METTL9: variants seen among roughly 807,000 people sequenced by gnomAD.
The protein encoded by METTL9 is methyltransferase 9, His-X-His N1(pi)-histidine, also known as protein-L-histidine N-pros-methyltransferase.
METTL9 carries 10 observed loss-of-function variants against 36.0 expected under a neutral mutation model. That is an observed-to-expected ratio of 0.28 (90% CI 0.17 to 0.47). The LOEUF is 0.47. Among genes scored for constraint, METTL9 ranks in the 20% least tolerant of loss-of-function variants. METTL9 has a pLI of 0.99. For missense variants in METTL9, 246 were observed against 383.5 expected (o/e 0.64, Z 3.00); for synonymous variants, 175 against 149.7 (o/e 1.17, Z -1.23).
intron 1 of METTL9, among the ~76,000 whole-genome samples, chr16:21,602,450 TG>T (rs1054145416): frequency 6.6e-6 from 1 of 152,180 alleles, no homozygotes; most frequent in Non-Finnish European, 1.5e-5. Flanking sequence ...ACTGGGATTA[TG>T]TTTCACTTTG....
chr16:21,653,254 AT>A (rs952621827), intron 4 of METTL9: 416 of 141,942 alleles, frequency 2.9e-3, no homozygotes, highest in Middle Eastern at 3.7e-3. Context: ...CCCCTGGCTA[AT>A]TTTTTTTTTT....
chr16:21,623,303 C>G (rs549398305), intron 3 of METTL9, among the ~76,000 whole-genome samples: 5 of 152,300 alleles, frequency 3.3e-5, no homozygotes, highest in Admixed American at 1.3e-4. Context: ...GAAAATGCAG[C>G]TAAGTGCTTT....
At chr16:21,653,254 A>AT (rs952621827) in intron 4 of METTL9, 1,931 of 142,140 alleles carry the variant, frequency 0.014, 34 homozygotes, top group African/African-American at 0.038. Flanking sequence ...CCCCTGGCTA[A>AT]TTTTTTTTTT....
rs761472396 is a variant in METTL9 at position 21,612,764 on chromosome 16, A to G, written c.285A>G (p.Leu95=). 2 of 1,613,114 alleles carry G rather than the reference A, an allele frequency of 1.2e-6. No individual in the cohort carries two copies. Among genetic ancestry groups the G allele is most frequent in the South Asian group, 1.1e-5 (1 of 90,964 alleles). ...LNNSIEKSGW[L]FIQLYHSFVS... ...ACAGCATTGAGAAATCGGGCTGGCTATTTATCCAATTATATCATTCTTTTG... is the reference window on the plus strand; with the variant it reads ...ACAGCATTGAGAAATCGGGCTGGCTGTTTATCCAATTATATCATTCTTTTG... The change falls in exon 2 of 5, where the codon CTA becomes CTG. Residue 95 remains leucine (L), a synonymous_variant. Coordinates refer to ENST00000358154, the MANE Select transcript of METTL9 (RefSeq NM_016025.5).
Position 21,647,145 on chromosome 16 carries a change from G to A in METTL9, c.752-8082G>A. The stretch of plus-strand genomic sequence containing the variant: ...CTCGCTGACTGACCTCTTACCACCA[G>A]TGTGGTCCCTCCTCCTGTCTGTTTA... On this transcript the variant is annotated intron_variant, in intron 4 of 4. Coordinates refer to ENST00000358154, the MANE Select transcript of METTL9 (RefSeq NM_016025.5). 2.5e-6 allele frequency: 4 copies of A among 1,614,142 alleles called. No individual in the cohort carries two copies. The African/African-American group carries it at 5.3e-5, about 22-fold the overall frequency.
At chr16:21,609,511 G>A (rs1965375998) in intron 1 of METTL9, among the ~76,000 whole-genome samples, 1 of 152,082 alleles carries the variant, frequency 6.6e-6, no homozygotes, top group South Asian at 2.1e-4. Flanking sequence ...CCTTTCGTAG[G>A]TATATTTTCC....
intron 4 of METTL9, among the ~76,000 whole-genome samples, chr16:21,645,798 G>A (rs1040002445): frequency 1.3e-5 from 2 of 152,178 alleles, no homozygotes; most frequent in African/African-American, 4.8e-5. Flanking sequence ...TTTCATATCA[G>A]TAGCTAACAT....
At chr16:21,602,144 T>C (rs1483300104) in intron 1 of METTL9, among the ~76,000 whole-genome samples, 2 of 152,138 alleles carry the variant, frequency 1.3e-5, no homozygotes, top group African/African-American at 4.8e-5. Context: ...AAGTGTTCAG[T>C]TGGGTGTGTG....
chr16:21,601,838 G>T (rs1362816353), intron 1 of METTL9, among the ~76,000 whole-genome samples: 4 of 151,866 alleles, frequency 2.6e-5, no homozygotes, highest in African/African-American at 7.3e-5. Context: ...ATATTTGGGG[G>T]ATGGGTCAAC....
intron 1 of METTL9, among the ~76,000 whole-genome samples, chr16:21,601,783 GCA>G (rs1965137986): frequency 7.1e-5 from 1 of 14,094 alleles, no homozygotes; most frequent in African/African-American, 9.8e-4. Context: ...TAACAATTCA[GCA>G]GATAATTTCT....
At chr16:21,606,364 C>T (rs559185831) in intron 1 of METTL9, among the ~76,000 whole-genome samples, 3 of 151,758 alleles carry the variant, frequency 2.0e-5, no homozygotes, top group African/African-American at 7.3e-5. Context: ...AATAATAAAC[C>T]ACTTAGGTTT....
chr16:21,636,142 G>A (rs1966085780), intron 4 of METTL9, among the ~76,000 whole-genome samples: 1 of 152,194 alleles, frequency 6.6e-6, no homozygotes, highest in South Asian at 2.1e-4. Context: ...CTGAGGGAGG[G>A]AAGGGATCTC....
At chr16:21,609,615 G>T (rs946340084) in intron 1 of METTL9, among the ~76,000 whole-genome samples, 2 of 152,054 alleles carry the variant, frequency 1.3e-5, no homozygotes, top group African/African-American at 4.8e-5. Context: ...ATGTTGGGGG[G>T]CAGAGCAAAT....
chr16:21,604,879 A>G (rs1965232422), intron 1 of METTL9, among the ~76,000 whole-genome samples: 1 of 152,138 alleles, frequency 6.6e-6, no homozygotes, highest in Admixed American at 6.5e-5. Context: ...GAATGGCTGG[A>G]TGCCTAGACC....
At chr16:21,639,610 A>G (rs891438600) in intron 4 of METTL9, 9 of 152,206 alleles carry the variant, frequency 5.9e-5, no homozygotes, top group African/African-American at 1.7e-4. Flanking sequence ...TGCTTATGCC[A>G]TTGTTTAATT....
chr16:21,636,917 C>T (rs1466480284), intron 4 of METTL9, among the ~76,000 whole-genome samples: 30 of 152,116 alleles, frequency 2.0e-4, no homozygotes, highest in Non-Finnish European at 2.9e-5. Flanking sequence ...CACCACTTGG[C>T]GATAGGTGAT....
At chr16:21,643,479 AT>A (rs1966331444) in intron 4 of METTL9, 1 of 1,022,292 alleles carries the variant, frequency 9.8e-7, no homozygotes, top group Non-Finnish European at 1.5e-6. Flanking sequence ...AAGCTAAAAA[AT>A]ATTTCAGTTT....
intron 3 of METTL9, among the ~76,000 whole-genome samples, chr16:21,624,270 G>GT (rs1278052110): frequency 6.6e-6 from 1 of 152,098 alleles, no homozygotes; most frequent in Non-Finnish European, 1.5e-5. Flanking sequence ...CCAATGAATG[G>GT]TAAAAAGCTG....
At chr16:21,608,406 T>G (rs1965345696) in intron 1 of METTL9, among the ~76,000 whole-genome samples, 1 of 152,172 alleles carries the variant, frequency 6.6e-6, no homozygotes. Flanking sequence ...ACATTACTTG[T>G]TTCCCTTGGT....
Sources: allele counts gnomAD v4.1 joint callset (sites outside exome capture counted in the v4.1 genomes callset), GRCh38; gene constraint gnomAD v4.1.1; transcripts MANE v1.5; gene names NCBI Gene and HGNC (gene_info 2026-07-23, HGNC 2026-07-21).